PKD1L3: variants seen among roughly 807,000 people sequenced by gnomAD.
The protein encoded by PKD1L3 is polycystin-1-like protein 3.
A neutral mutation model predicts 184.1 loss-of-function variants in PKD1L3; 239 were observed. That is an observed-to-expected ratio of 1.30 (90% confidence interval 1.17 to 1.45). PKD1L3 has a LOEUF of 1.45. Among genes scored for constraint, PKD1L3 ranks in the 40% most tolerant of loss-of-function variants. The probability of loss-of-function intolerance (pLI) is 0.00; values close to 1 mark genes in which losing one functional copy is unlikely to be tolerated. For missense variants in PKD1L3, 2,660 were observed against 2,067.2 expected, an observed-to-expected ratio of 1.29 and a Z score of -5.56; for synonymous variants, 996 against 778.8, an observed-to-expected ratio of 1.28 and a Z score of -4.64.
chr16:71,934,045 A>G lies in PKD1L3; in HGVS notation c.4694T>C (p.Val1565Ala). The change falls in exon 27 of 30, where the codon GTT becomes GCT. Residue 1565 changes from valine to alanine, a missense_variant. By Grantham distance (64) the Val-to-Ala change is moderately conservative (BLOSUM62 0). Coordinates refer to ENST00000620267, the MANE Select transcript of PKD1L3 (RefSeq NM_181536.2). ...LVGFPVLLAT[V>A]QLWNLLRHSP... The stretch of plus-strand genomic sequence containing the variant: ...ATGACGCAGCAGGTTCCATAACTGA[A>G]CAGTTGCCAGGAGAACCGGGAAGCC... 1.3e-6 allele frequency: 2 copies of G among 1,551,870 alleles called. No individual in the cohort carries two copies. The highest frequency in any genetic ancestry group is 1.7e-6 in the Non-Finnish European group (2 of 1,147,028).
At chr16:71,994,572 T>G (rs1173706807) in intron 2 of PKD1L3, among the ~76,000 whole-genome samples, 2 of 152,162 alleles carry the variant, frequency 1.3e-5, no homozygotes, top group African/African-American at 4.8e-5. Context: ...ACCCAGCAAC[T>G]TATATTGGCC....
intron 24 of PKD1L3, among the ~76,000 whole-genome samples, chr16:71,937,751 T>C (rs2038229394): frequency 6.6e-6 from 1 of 152,200 alleles, no homozygotes; most frequent in Non-Finnish European, 1.5e-5. Flanking sequence ...TCTAAAGCAC[T>C]GATACCCCAC....
intron 23 of PKD1L3, among the ~76,000 whole-genome samples, chr16:71,943,265 A>G (rs1428351502): frequency 6.6e-6 from 1 of 152,112 alleles, no homozygotes; most frequent in Non-Finnish European, 1.5e-5. Flanking sequence ...GGCTGGGCAC[A>G]GTGGCTCACA....
At chr16:71,986,196 T>G (rs983529482) in intron 5 of PKD1L3, 25 bp downstream of exon 5, 61 of 1,549,852 alleles carry the variant, frequency 3.9e-5, no homozygotes, top group Non-Finnish European at 4.9e-5. Flanking sequence ...CAAAGCTACC[T>G]GTGACTTGAA....
chr16:71,976,929 G>T (rs541151144), intron 11 of PKD1L3, among the ~76,000 whole-genome samples: 1 of 152,160 alleles, frequency 6.6e-6, no homozygotes, highest in South Asian at 2.1e-4. Context: ...ATTTTTAGTA[G>T]AGACAGGGTT....
intron 16 of PKD1L3, among the ~76,000 whole-genome samples, chr16:71,960,570 A>AAACC (rs35894844): frequency 1.3e-5 from 2 of 151,642 alleles, no homozygotes; most frequent in Non-Finnish European, 2.9e-5. Context: ...AAGAAATAAC[A>AAACC]TACACTTAAA....
chr16:71,965,369 TG>T (rs1201839898), intron 15 of PKD1L3, among the ~76,000 whole-genome samples: 1 of 152,118 alleles, frequency 6.6e-6, no homozygotes, highest in African/African-American at 2.4e-5. Context: ...AGTGGACACA[TG>T]TTTTTGTTTA....
rs951189589 is a variant in PKD1L3, at chr16:71,933,538, A to G, written c.4825-17T>C. The G allele has an allele frequency of 2.0e-6, 3 of 1,516,832 alleles. No homozygotes were observed. Among genetic ancestry groups the G allele is most frequent in the South Asian group, 1.2e-5 (1 of 83,338 alleles). 94.0% of individuals were successfully genotyped at this position (1,516,832 alleles called of 1,614,324 possible). A position where few individuals can be genotyped will look rare whatever the true frequency, so the allele number is the denominator to read the frequency against. ...CAGGTTAAACTGAACAGAAGGAGAA[A>G]GGCCAGTTAGTGCAAGCCGAGCGCA... is the stretch of plus-strand genomic sequence containing the variant. On this transcript the variant is annotated splice_polypyrimidine_tract_variant and intron_variant, in intron 27 of 29. Coordinates refer to ENST00000620267, the MANE Select transcript of PKD1L3 (RefSeq NM_181536.2).
At chr16:71,974,725 G>GA (rs1360018733) in intron 11 of PKD1L3, among the ~76,000 whole-genome samples, 2 of 152,176 alleles carry the variant, frequency 1.3e-5, no homozygotes, top group African/African-American at 4.8e-5. Flanking sequence ...TTGGAATTGG[G>GA]AAAGGGCCCG....
chr16:71,941,756 T>G (rs191046522), intron 24 of PKD1L3, among the ~76,000 whole-genome samples: 83 of 151,790 alleles, frequency 5.5e-4, no homozygotes, highest in Admixed American at 8.5e-4. Context: ...GGGTAATTTT[T>G]GTATTTTTAG....
chr16:71,954,061 A>AC (rs34041171), intron 17 of PKD1L3, 44 bp downstream of exon 17: 360,495 of 1,271,734 alleles, frequency 0.28, 21,135 homozygotes, highest in Non-Finnish European at 0.29. Context: ...AAAAAAAAAA[A>AC]GGATTGCTTA....
At chr16:71,929,922 C>A (rs1158557520) in intron 29 of PKD1L3, 130 bp downstream of exon 29, 3 of 1,198,446 alleles carry the variant, frequency 2.5e-6, no homozygotes, top group Non-Finnish European at 3.4e-6. Flanking sequence ...GCTGGCAGAG[C>A]TTTTGAAACT....
Position 71,942,644 on chromosome 16 carries a change from T to C in PKD1L3, c.4240A>G (p.Arg1414Gly), listed in dbSNP as rs2038400062. The change falls in exon 24 of 30, where the codon AGG (arginine) becomes GGG (glycine). Residue 1414 changes from arginine to glycine, a missense_variant. By Grantham distance (125) the Arg-to-Gly change is moderately radical. Coordinates refer to ENST00000620267, the MANE Select transcript of PKD1L3 (RefSeq NM_181536.2). Reference sequence around the variant, plus strand: ...TCAGTGGGAATCAGCACCATGGGCCTGGGTGAACAGATGTAACTGAACCTC... The same window carrying C: ...TCAGTGGGAATCAGCACCATGGGCCCGGGTGAACAGATGTAACTGAACCTC... ...LRRFSYICSP[R>G]PMVLIPTDEL... 1 of 1,551,744 alleles carries C rather than the reference T, an allele frequency of 6.4e-7. No homozygotes were observed. The highest frequency in any genetic ancestry group is 8.7e-7 in the Non-Finnish European group (1 of 1,147,008).
intron 4 of PKD1L3, among the ~76,000 whole-genome samples, chr16:71,988,817 C>T (rs572955443): frequency 2.0e-5 from 3 of 152,278 alleles, no homozygotes; most frequent in Non-Finnish European, 4.4e-5. Flanking sequence ...AGTTAGAGTC[C>T]ATCTCTCCTA....
chr16:71,975,412 C>G (rs2039881912), intron 11 of PKD1L3, among the ~76,000 whole-genome samples: 1 of 152,050 alleles, frequency 6.6e-6, no homozygotes, highest in East Asian at 1.9e-4. Context: ...TTCTAAACTA[C>G]AATACATTCA....
intron 16 of PKD1L3, among the ~76,000 whole-genome samples, chr16:71,958,552 A>G (rs1162065602): frequency 1.3e-5 from 2 of 151,602 alleles, no homozygotes; most frequent in Non-Finnish European, 2.9e-5. Context: ...GGCCGAGGTG[A>G]GTGGATCACC....
chr16:71,949,414 G>T (rs187796129), intron 21 of PKD1L3, among the ~76,000 whole-genome samples: 2 of 149,664 alleles, frequency 1.3e-5, no homozygotes, highest in African/African-American at 2.5e-5. Context: ...GTACAGTGGC[G>T]CAATCACGGC....
At chr16:71,971,744 T>C (rs1015345538) in intron 12 of PKD1L3, among the ~76,000 whole-genome samples, 15 of 152,214 alleles carry the variant, frequency 9.9e-5, no homozygotes, top group African/African-American at 3.6e-4. Flanking sequence ...ATTTGCTTGA[T>C]AGCCATTGTC....
Position 71,984,059 on chromosome 16 carries a change from G to C in PKD1L3, c.943C>G (p.Pro315Ala). 6.4e-7 allele frequency: 1 copy of C among 1,552,156 alleles called. No homozygotes were observed. The highest frequency in any genetic ancestry group is 8.7e-7 in the Non-Finnish European group (1 of 1,147,056). ...EFLQKLTALT[P>A]RFSKPAQVNL... ...ACCTGAGCTGGCTTAGAAAATCTTGGGGTTAAGGCTGTTAGTTTCTGGAGG... is the reference window on the plus strand; with the variant it reads ...ACCTGAGCTGGCTTAGAAAATCTTGCGGTTAAGGCTGTTAGTTTCTGGAGG... Residue 315 changes from proline (P) to alanine (A), a missense_variant, in exon 6 of 30, where the codon CCA becomes GCA. Physicochemically the swap from Pro to Ala is conservative, Grantham distance 27. Coordinates refer to ENST00000620267, the MANE Select transcript of PKD1L3 (RefSeq NM_181536.2).
Sources: gnomAD v4.1 joint callset for allele counts (sites outside exome capture counted in the v4.1 genomes callset) on GRCh38, gnomAD v4.1.1 for gene constraint, MANE v1.5 for transcripts, NCBI Gene and HGNC (gene_info 2026-07-23, HGNC 2026-07-21) for gene names.